PTPRG: variants seen among roughly 807,000 people sequenced by gnomAD.
PTPRG encodes receptor-type tyrosine-protein phosphatase gamma.
In PTPRG, 102 loss-of-function variants were observed where a neutral mutation model predicts 165.3. The ratio of observed to expected loss-of-function variants is 0.62; its 90% CI spans 0.53 to 0.73. PTPRG has a LOEUF of 0.73. Ranked by LOEUF, PTPRG falls within the 30% of genes least tolerant of loss-of-function variation. PTPRG has a pLI of 0.00. For synonymous variants in PTPRG, 675 were observed against 669.5 expected (o/e 1.01, Z -0.13); for missense variants, 1,866 against 1,861.4 (o/e 1.00, Z -0.05).
intron 2 of PTPRG, among the ~76,000 whole-genome samples, chr3:61,817,040 T>TATA (rs1353700357): frequency 7.6e-6 from 1 of 131,870 alleles, no homozygotes; most frequent in Non-Finnish European, 1.6e-5. Flanking sequence ...TAGTATATAA[T>TATA]ATATAATATT....
chr3:61,956,907 G>C (rs2040045760), intron 2 of PTPRG, among the ~76,000 whole-genome samples: 1 of 152,104 alleles, frequency 6.6e-6, no homozygotes, highest in Admixed American at 6.6e-5. Context: ...TAATGAAATT[G>C]CTTTGAGTCA....
At chr3:61,934,678 T>A (rs1210538812) in intron 2 of PTPRG, among the ~76,000 whole-genome samples, 1 of 152,014 alleles carries the variant, frequency 6.6e-6, no homozygotes, top group Non-Finnish European at 1.5e-5. Flanking sequence ...CTTTTAAGAG[T>A]GTGTGCTGCT....
intron 27 of PTPRG, among the ~76,000 whole-genome samples, chr3:62,282,421 GATCTCCCT>G (rs1299733450): frequency 2.7e-5 from 4 of 149,146 alleles, no homozygotes; most frequent in African/African-American, 7.4e-5. Flanking sequence ...TTTAGAGACA[GATCTCCCT>G]GTGTTGCCCA....
intron 1 of PTPRG, among the ~76,000 whole-genome samples, chr3:61,643,606 C>G (rs1156722766): frequency 6.6e-6 from 1 of 152,028 alleles, no homozygotes; most frequent in African/African-American, 2.4e-5. Flanking sequence ...TGATGAAACC[C>G]CCATCTCTAC....
intron 1 of PTPRG, among the ~76,000 whole-genome samples, chr3:61,583,853 G>T (rs1451927520): frequency 2.0e-5 from 3 of 152,072 alleles, no homozygotes; most frequent in African/African-American, 2.4e-5. Context: ...GATGTCCAAG[G>T]TTCTCTCAAT....
intron 5 of PTPRG, among the ~76,000 whole-genome samples, chr3:62,115,661 A>G (rs1213854765): frequency 1.3e-5 from 2 of 151,442 alleles, no homozygotes; most frequent in Admixed American, 6.6e-5. Context: ...TTTTAGAGAC[A>G]GGATCTCACT....
intron 23 of PTPRG, among the ~76,000 whole-genome samples, chr3:62,275,037 T>C (rs1170271525): frequency 3.3e-5 from 5 of 152,096 alleles, no homozygotes; most frequent in African/African-American, 1.2e-4. Flanking sequence ...AAATGAAAAT[T>C]ATATCCAGGG....
At chr3:62,275,749 G>C (rs1702209538) in intron 23 of PTPRG, 124 bp from the exon 24 acceptor site, 3 of 675,706 alleles carry the variant, frequency 4.4e-6, no homozygotes, top group East Asian at 2.8e-5. Flanking sequence ...TGTCTTAAAA[G>C]GTTCTTTGTG....
At chr3:61,937,074 A>G (rs887653514) in intron 2 of PTPRG, among the ~76,000 whole-genome samples, 1 of 152,186 alleles carries the variant, frequency 6.6e-6, no homozygotes, top group African/African-American at 2.4e-5. Flanking sequence ...CGTCTTCTCT[A>G]AATGTAGTGC....
At chr3:61,601,117 G>A (rs540014688) in intron 1 of PTPRG, among the ~76,000 whole-genome samples, 37 of 152,258 alleles carry the variant, frequency 2.4e-4, no homozygotes, top group African/African-American at 2.4e-4. Context: ...TTAGCCAGAC[G>A]TGATGGCACA....
intron 1 of PTPRG, among the ~76,000 whole-genome samples, chr3:61,745,772 G>A (rs1200394924): frequency 6.6e-6 from 1 of 152,170 alleles, no homozygotes; most frequent in Admixed American, 6.5e-5. Flanking sequence ...TGGTTGGTTG[G>A]TTTTAAAGTA....
chr3:62,079,694 A>G (rs181408703), intron 5 of PTPRG, among the ~76,000 whole-genome samples: 14 of 152,316 alleles, frequency 9.2e-5, no homozygotes, highest in Admixed American at 7.2e-4. Flanking sequence ...TCATGAACAC[A>G]ATAGAGCATA....
intron 5 of PTPRG, among the ~76,000 whole-genome samples, chr3:62,087,361 C>A (rs1559789419): frequency 6.6e-6 from 1 of 152,176 alleles, no homozygotes; most frequent in Non-Finnish European, 1.5e-5. Flanking sequence ...CGGGAGAACT[C>A]CTGACATAAA....
At chr3:61,594,329 G>C (rs1002236483) in intron 1 of PTPRG, among the ~76,000 whole-genome samples, 1 of 152,096 alleles carries the variant, frequency 6.6e-6, no homozygotes, top group African/African-American at 2.4e-5. Flanking sequence ...GCTGTGGGCT[G>C]TTAGTTACAT....
chr3:61,760,608 C>T (rs756072820), intron 2 of PTPRG, among the ~76,000 whole-genome samples: 29 of 152,034 alleles, frequency 1.9e-4, no homozygotes, highest in Admixed American at 1.5e-3. Flanking sequence ...TGTTTTTTTA[C>T]ATTTTATTTT....
At chr3:61,882,180 ATATAGT>A in intron 2 of PTPRG, among the ~76,000 whole-genome samples, 2 of 152,348 alleles carry the variant, frequency 1.3e-5, no homozygotes, top group South Asian at 4.1e-4. Context: ...GCATTTTGAA[ATATAGT>A]TAAAGAGTAT....
At chr3:61,840,212 C>T (rs1418063857) in intron 2 of PTPRG, among the ~76,000 whole-genome samples, 1 of 152,064 alleles carries the variant, frequency 6.6e-6, no homozygotes, top group African/African-American at 2.4e-5. Flanking sequence ...TATGATTTTG[C>T]TTCAGTCACT....
chr3:61,746,169 A>C (rs2033193245), intron 1 of PTPRG, among the ~76,000 whole-genome samples: 1 of 148,684 alleles, frequency 6.7e-6, no homozygotes, highest in African/African-American at 2.5e-5. Flanking sequence ...CAGCCAGCCA[A>C]GTAGCTGGGA....
rs1352182375 is a variant in PTPRG at position 61,887,114 on chromosome 3, C to T, written c.191-102511C>T. 3.5e-5 allele frequency among the ~76,000 whole-genome samples: 3 copies of T among 86,200 alleles called. No individual in the cohort carries two copies. The East Asian group carries it at 1.3e-3, about 37-fold the overall frequency. The allele number at this position is 86,200 out of a possible 152,430, so 56.6% of individuals were successfully genotyped here. The stretch of plus-strand genomic sequence containing the variant: ...CGGAAAACTATTTTTAAAGTATAAC[C>T]ATAGCATGCATATATATATATATAT... On this transcript the variant is annotated intron_variant, in intron 2 of 29. Coordinates refer to ENST00000474889, the MANE Select transcript of PTPRG (RefSeq NM_002841.4).
Sources: allele counts gnomAD v4.1 joint callset (sites outside exome capture counted in the v4.1 genomes callset), GRCh38; gene constraint gnomAD v4.1.1; transcripts MANE v1.5; gene names NCBI Gene and HGNC (gene_info 2026-07-23, HGNC 2026-07-21).